Variants in PLEKHG7 observed in about 807,000 individuals in gnomAD.
PLEKHG7 encodes pleckstrin homology domain-containing family G member 7.
PLEKHG7 carries 77 observed loss-of-function variants against 85.2 expected under a neutral mutation model. The ratio of observed to expected loss-of-function variants is 0.90; its 90% confidence interval spans 0.75 to 1.09. The LOEUF (loss-of-function observed/expected upper bound fraction) is 1.09. Ranked by LOEUF, PLEKHG7 falls within the 50% of genes least tolerant of loss-of-function variation. The pLI is 0.00. For synonymous variants in PLEKHG7, 301 were observed against 302.4 expected (o/e 1.00, Z 0.05); for missense variants, 777 against 804.3 (o/e 0.97, Z 0.41).
rs966817905 is a variant in PLEKHG7, at chr12:92,771,276, C to T, written c.*1081C>T. The T allele has an allele frequency of 1.3e-5, 2 of 151,972 alleles. No individual in the cohort carries two copies. Among genetic ancestry groups the T allele is most frequent in the Admixed American group, 6.6e-5 (1 of 15,244 alleles). 9.4% of individuals were successfully genotyped at this position (151,972 alleles called of 1,614,324 possible). The stretch of plus-strand genomic sequence containing the variant: ...AAATTTGGCTGCAAGACAACTGAAG[C>T]CTTAGCTGATTTTGTTAAGCTGAAG... On this transcript the variant is annotated 3_prime_UTR_variant, in exon 17 of 17. Transcript: ENST00000344636.
rs1465905099 is a variant in PLEKHG7, at chr12:92,769,059, A to G, written c.1947A>G (p.Gln649=). 1 of 1,592,790 alleles carries G rather than the reference A, an allele frequency of 6.3e-7. No homozygotes were observed. Among genetic ancestry groups the G allele is most frequent in the Non-Finnish European group, 8.6e-7 (1 of 1,163,100 alleles). ...YRQCIAAFLL[Q]AQTENIKKTW... is the part of the protein sequence containing the mutation. ...AGTGTATAGCAGCATTCTTATTACA[A>G]GCCCAAACGGAAAACATCAAAGTAT... is the stretch of plus-strand genomic sequence containing the variant. Residue 649 remains glutamine (Q), a synonymous_variant, in exon 16 of 17, where the codon CAA becomes CAG. Coordinates refer to ENST00000344636, the MANE Select transcript of PLEKHG7 (RefSeq NM_001377329.1).
At chr12:92,744,366 G>A (rs1872458204) in intron 9 of PLEKHG7, among the ~76,000 whole-genome samples, 1 of 152,142 alleles carries the variant, frequency 6.6e-6, no homozygotes, top group South Asian at 2.1e-4. Flanking sequence ...AAGAATTGCT[G>A]AAGAGAAAAA....
At chr12:92,761,658 G>C in intron 13 of PLEKHG7, 94 bp from the exon 14 acceptor site, 1 of 1,301,480 alleles carries the variant, frequency 7.7e-7, no homozygotes, top group South Asian at 1.9e-5. Flanking sequence ...AAGAAAGAAA[G>C]AAAGAAAGAA....
intron 3 of PLEKHG7, among the ~76,000 whole-genome samples, chr12:92,712,937 A>G (rs1018713659): frequency 2.6e-5 from 4 of 152,188 alleles, no homozygotes; most frequent in Non-Finnish European, 4.4e-5. Flanking sequence ...GTTCCCTGGA[A>G]TCAACCTCAG....
At chr12:92,709,700 T>C (rs1393493474) in intron 3 of PLEKHG7, among the ~76,000 whole-genome samples, 3 of 152,138 alleles carry the variant, frequency 2.0e-5, no homozygotes, top group Non-Finnish European at 4.4e-5. Context: ...CATTGCCATA[T>C]GAAATCTGTG....
chr12:92,732,831 A>G (rs1456220884), intron 5 of PLEKHG7, among the ~76,000 whole-genome samples: 1 of 152,152 alleles, frequency 6.6e-6, no homozygotes, highest in Non-Finnish European at 1.5e-5. Context: ...GCCACAGTCA[A>G]GCCGTTCCTT....
intron 13 of PLEKHG7, among the ~76,000 whole-genome samples, chr12:92,758,603 A>G (rs1323017346): frequency 6.6e-6 from 1 of 152,124 alleles, no homozygotes; most frequent in African/African-American, 2.4e-5. Context: ...CCTAAGAAAG[A>G]CTCTTTACAA....
rs550624302 is a variant in PLEKHG7 at position 92,737,324 on chromosome 12, G to A, written c.796-54G>A. On this transcript the variant is annotated intron_variant, in intron 6 of 16. Coordinates refer to ENST00000344636, the MANE Select transcript of PLEKHG7 (RefSeq NM_001377329.1). ...TGCAAGCCAAAGCAAATAGCCAACA[G>A]GTCAATCCACTGAGGTGGAAATGTT... 4.7e-3 allele frequency: 6,248 copies of A among 1,328,528 alleles called. 20 individuals carry two copies. Among genetic ancestry groups the A allele is most frequent in the Middle Eastern group, 5.7e-3 (29 of 5,060 alleles). The allele number at this position is 1,328,528 out of a possible 1,614,324, so 82.3% of individuals were successfully genotyped here.
At chr12:92,733,375 A>C (rs1454903097) in intron 5 of PLEKHG7, among the ~76,000 whole-genome samples, 1 of 152,222 alleles carries the variant, frequency 6.6e-6, no homozygotes, top group Non-Finnish European at 1.5e-5. Flanking sequence ...GGTTTGGAAA[A>C]CAACTTATTC....
intron 5 of PLEKHG7, among the ~76,000 whole-genome samples, chr12:92,734,467 A>G (rs1396015769): frequency 1.3e-5 from 2 of 152,244 alleles, no homozygotes; most frequent in African/African-American, 4.8e-5. Context: ...CAACAATCCA[A>G]CAAGGTAGGT....
chr12:92,749,905 T>A (rs1391622061), intron 10 of PLEKHG7, among the ~76,000 whole-genome samples: 1 of 132,678 alleles, frequency 7.5e-6, no homozygotes, highest in Non-Finnish European at 1.6e-5. Context: ...TTATTTTATT[T>A]CATTTATTTT....
chr12:92,716,067 GT>G (rs1217633872), intron 3 of PLEKHG7, among the ~76,000 whole-genome samples: 1 of 151,860 alleles, frequency 6.6e-6, no homozygotes, highest in Non-Finnish European at 1.5e-5. Context: ...TTCTATTACA[GT>G]GGTTTTGGGG....
chr12:92,748,333 G>A (rs1007058241), intron 10 of PLEKHG7, among the ~76,000 whole-genome samples: 2 of 149,978 alleles, frequency 1.3e-5, no homozygotes, highest in Non-Finnish European at 2.9e-5. Flanking sequence ...TGCAACCTCC[G>A]TCTCCCAGGT....
intron 15 of PLEKHG7, 137 bp from the exon 16 acceptor site, chr12:92,768,846 A>T: frequency 1.8e-6 from 1 of 556,888 alleles, no homozygotes; most frequent in Non-Finnish European, 3.1e-6. Flanking sequence ...AAAAATTATA[A>T]GCTAGATAAA....
intron 9 of PLEKHG7, among the ~76,000 whole-genome samples, chr12:92,743,201 A>G (rs1026771277): frequency 2.6e-5 from 4 of 152,172 alleles, no homozygotes; most frequent in African/African-American, 9.7e-5. Flanking sequence ...ACTACCTGGA[A>G]CATTACCATT....
At chr12:92,742,793 T>A (rs930530082) in intron 9 of PLEKHG7, among the ~76,000 whole-genome samples, 1 of 151,592 alleles carries the variant, frequency 6.6e-6, no homozygotes, top group African/African-American at 2.4e-5. Context: ...ACCATGTTGG[T>A]CAGGCTGGTC....
chr12:92,727,094 G>A (rs1294170515), intron 3 of PLEKHG7, among the ~76,000 whole-genome samples: 1 of 152,136 alleles, frequency 6.6e-6, no homozygotes, highest in Non-Finnish European at 1.5e-5. Context: ...AAGGCTGGAA[G>A]AGGTGGTGAG....
At chr12:92,716,777 A>T (rs116653967) in intron 3 of PLEKHG7, among the ~76,000 whole-genome samples, 1 of 152,216 alleles carries the variant, frequency 6.6e-6, no homozygotes, top group Non-Finnish European at 1.5e-5. Context: ...TTTTAAATTC[A>T]TCTGCCCCCA....
intron 1 of PLEKHG7, among the ~76,000 whole-genome samples, chr12:92,705,426 G>C (rs1871205080): frequency 6.6e-6 from 1 of 152,248 alleles, no homozygotes; most frequent in South Asian, 2.1e-4. Context: ...AAAATTATAA[G>C]AAGTAAATTA....
Sources: allele counts gnomAD v4.1 joint callset (sites outside exome capture counted in the v4.1 genomes callset), GRCh38; gene constraint gnomAD v4.1.1; transcripts MANE v1.5; gene names NCBI Gene and HGNC (gene_info 2026-07-23, HGNC 2026-07-21).